The following SLC20A2 variants were observed in gnomAD, a reference collection of about 807,000 sequenced individuals.
SLC20A2 encodes sodium-dependent phosphate transporter 2.
In SLC20A2, 30 loss-of-function variants were observed where a neutral mutation model predicts 61.0. The observed-to-expected ratio is 0.49, with a 90% CI of 0.37 to 0.67. SLC20A2 has a LOEUF of 0.67. Ranked by LOEUF, SLC20A2 falls within the 30% of genes least tolerant of loss-of-function variation. The pLI is 0.00. For missense variants in SLC20A2, 626 were observed against 866.4 expected, an observed-to-expected ratio of 0.72 and a Z score of 3.48; for synonymous variants, 351 against 353.3, an observed-to-expected ratio of 0.99 and a Z score of 0.07.
chr8:42,505,312 T>C (rs1268711214), upstream of SLC20A2, among the ~76,000 whole-genome samples: 2 of 152,112 alleles, frequency 1.3e-5, no homozygotes, highest in African/African-American at 4.8e-5. Flanking sequence ...TTTTGCTATG[T>C]TGCCCTGGCT....
intron 1 of SLC20A2, among the ~76,000 whole-genome samples, chr8:42,500,183 T>C (rs942148628): frequency 2.6e-5 from 4 of 152,262 alleles, no homozygotes; most frequent in Non-Finnish European, 5.9e-5. Context: ...CTAAAGCTGA[T>C]ACATTTACTT....
rs182068360 is a variant in SLC20A2, at chr8:42,442,736, G to A, written c.730+1910C>T. ...GTCTAAATCTACAAAATATCCTGCTGGGATTTCTATTTAAATTGTCTAAAG... is the reference window on the plus strand; with the variant it reads ...GTCTAAATCTACAAAATATCCTGCTAGGATTTCTATTTAAATTGTCTAAAG... On this transcript the variant is annotated intron_variant, in intron 6 of 10. Coordinates refer to ENST00000520262, the MANE Select transcript of SLC20A2 (RefSeq NM_001257180.2). Among the ~76,000 whole-genome samples the A allele has an allele frequency of 2.2e-3, 331 of 152,272 alleles. 1 individual carries two copies. The highest frequency in any genetic ancestry group is 1.8e-3 in the Non-Finnish European group (125 of 68,022).
chr8:42,540,297 AC>A (rs1183574830), intron 1 of SLC20A2, among the ~76,000 whole-genome samples: 154 of 152,332 alleles, frequency 1.0e-3, no homozygotes, highest in African/African-American at 3.2e-3. Context: ...CTCAAAAAAA[AC>A]AAAACAATAA....
rs536157990 is a variant in SLC20A2, at chr8:42,517,386, A to T, written c.-265+24435T>A. On this transcript the variant is annotated intron_variant, in intron 1 of 10. Transcript: ENST00000342228. ...CCTGTCTCAAAAAAAAAAAAACAATAATAAAATAAATAAATAAGTAATAAA... is the reference window on the plus strand; with the variant it reads ...CCTGTCTCAAAAAAAAAAAAACAATTATAAAATAAATAAATAAGTAATAAA... Among the ~76,000 whole-genome samples the T allele has an allele frequency of 5.3e-5, 8 of 151,612 alleles. No individual in the cohort carries two copies. The East Asian group carries it at 1.5e-3, about 29-fold the overall frequency.
chr8:42,443,264 G>GTTAT lies in SLC20A2; in HGVS notation c.730+1381_730+1382insATAA, dbSNP rs1187147221. On this transcript the variant is annotated intron_variant, in intron 6 of 10. Coordinates refer to ENST00000520262, the MANE Select transcript of SLC20A2 (RefSeq NM_001257180.2). The stretch of plus-strand genomic sequence containing the variant: ...TATAATAATACAATTATTATTATAG[G>GTTAT]ATATATATATATATATATATATATA... Among the ~76,000 whole-genome samples, 194 of 105,460 alleles carry GTTAT rather than the reference G, an allele frequency of 1.8e-3. 21 individuals carry two copies. The highest frequency in any genetic ancestry group is 2.4e-3 in the Non-Finnish European group (127 of 52,148). The allele number at this position is 105,460 out of a possible 152,430, so 69.2% of individuals were successfully genotyped here.
chr8:42,489,050 C>G (rs1323423007), intron 1 of SLC20A2, among the ~76,000 whole-genome samples: 4 of 149,228 alleles, frequency 2.7e-5, no homozygotes, highest in Non-Finnish European at 5.9e-5. Flanking sequence ...AGCGATTCTC[C>G]TGCCTCAGCC....
intron 1 of SLC20A2, among the ~76,000 whole-genome samples, chr8:42,517,746 T>C (rs1811401934): frequency 6.6e-6 from 1 of 152,178 alleles, no homozygotes; most frequent in Non-Finnish European, 1.5e-5. Flanking sequence ...CCCAACTTAA[T>C]ATCCAGAAGG....
chr8:42,448,377 C>T (rs182138139), intron 5 of SLC20A2, among the ~76,000 whole-genome samples: 2 of 152,298 alleles, frequency 1.3e-5, no homozygotes, highest in East Asian at 3.9e-4. Context: ...TTTTACCATT[C>T]ATGCTGAGCA....
chr8:42,469,927 CAAAA>C (rs781431507), intron 2 of SLC20A2, among the ~76,000 whole-genome samples: 1 of 100,826 alleles, frequency 9.9e-6, no homozygotes. Context: ...GATTCCGTCT[CAAAA>C]AAAAAAAAAA....
intron 5 of SLC20A2, among the ~76,000 whole-genome samples, chr8:42,449,761 T>A (rs1805502576): frequency 1.3e-5 from 2 of 152,228 alleles, no homozygotes; most frequent in Admixed American, 6.5e-5. Context: ...CCTCCCCTCT[T>A]CAACTTACTT....
chr8:42,459,807 G>A (rs1806557525), intron 5 of SLC20A2, 89 bp downstream of exon 5: 2 of 849,632 alleles, frequency 2.4e-6, no homozygotes, highest in Non-Finnish European at 3.8e-6. Flanking sequence ...GCTTTTTACT[G>A]TCAGCCAACA....
intron 5 of SLC20A2, among the ~76,000 whole-genome samples, chr8:42,452,029 A>G (rs1482026832): frequency 1.8e-4 from 17 of 94,900 alleles, no homozygotes; most frequent in Non-Finnish European, 2.6e-4. Context: ...ATGAAGAGGA[A>G]GAGGAGGAAG....
chr8:42,497,790 T>G (rs936946966), intron 1 of SLC20A2, among the ~76,000 whole-genome samples: 4 of 151,718 alleles, frequency 2.6e-5, no homozygotes, highest in African/African-American at 9.7e-5. Context: ...CCCAGAACCT[T>G]AGAGACTGGC....
At chr8:42,466,973 T>A (rs1196873947) in intron 2 of SLC20A2, among the ~76,000 whole-genome samples, 2 of 152,102 alleles carry the variant, frequency 1.3e-5, no homozygotes, top group Admixed American at 1.3e-4. Context: ...CTCAGCTAAT[T>A]ATTAAAATTT....
intron 1 of SLC20A2, among the ~76,000 whole-genome samples, chr8:42,508,938 C>G (rs1810877872): frequency 6.6e-6 from 1 of 152,172 alleles, no homozygotes; most frequent in South Asian, 2.1e-4. Context: ...AGCAAGGCTA[C>G]CTGGTTCAAA....
At chr8:42,532,938 C>G (rs930329119) in intron 1 of SLC20A2, among the ~76,000 whole-genome samples, 1 of 152,046 alleles carries the variant, frequency 6.6e-6, no homozygotes, top group Non-Finnish European at 1.5e-5. Context: ...TAGGCTGAAT[C>G]ATGGAGAAGG....
chr8:42,526,047 C>A (rs1811912454), intron 1 of SLC20A2, among the ~76,000 whole-genome samples: 1 of 152,228 alleles, frequency 6.6e-6, no homozygotes, highest in Non-Finnish European at 1.5e-5. Flanking sequence ...TAACTTCCCA[C>A]TCCTGAAGCG....
At chr8:42,433,928 C>A (rs1188615587) in intron 8 of SLC20A2, among the ~76,000 whole-genome samples, 1 of 152,202 alleles carries the variant, frequency 6.6e-6, no homozygotes, top group Admixed American at 6.5e-5. Context: ...GAGGAGCCTC[C>A]ATCCTGTTTT....
intron 1 of SLC20A2, among the ~76,000 whole-genome samples, chr8:42,507,131 G>A (rs750766822): frequency 3.9e-5 from 6 of 152,156 alleles, no homozygotes; most frequent in Admixed American, 2.0e-4. Flanking sequence ...GAACCACTCC[G>A]GTGCCCTACA....
Sources: allele counts gnomAD v4.1 joint callset (sites outside exome capture counted in the v4.1 genomes callset), GRCh38; gene constraint gnomAD v4.1.1; transcripts MANE v1.5; gene names NCBI Gene and HGNC (gene_info 2026-07-23, HGNC 2026-07-21).